The following NSUN4 variants were observed in gnomAD, a reference collection of about 807,000 sequenced individuals.
NSUN4 encodes the protein 5-cytosine rRNA methyltransferase NSUN4.
In NSUN4, 31 loss-of-function variants were observed where a neutral mutation model predicts 43.8. That is an observed-to-expected ratio of 0.71 (90% confidence interval 0.53 to 0.96). NSUN4 has a LOEUF of 0.96. Ranked by LOEUF, NSUN4 falls within the 40% of genes least tolerant of loss-of-function variation. The pLI, the probability that NSUN4 is intolerant of heterozygous loss-of-function variation, is 0.00. For synonymous variants in NSUN4, 167 were observed against 184.1 expected, an observed-to-expected ratio of 0.91 and a Z score of 0.75; for missense variants, 439 against 475.6, an observed-to-expected ratio of 0.92 and a Z score of 0.72.
intron 5 of NSUN4, 150 bp from the exon 6 acceptor site, chr1:46,361,420 C>T (rs946648671): frequency 4.5e-6 from 3 of 673,078 alleles, no homozygotes; most frequent in South Asian, 1.9e-5. Context: ...ACTTTTCAGA[C>T]AGTGTCATTG....
intron 4 of NSUN4, among the ~76,000 whole-genome samples, chr1:46,360,467 T>G (rs757207965): frequency 2.0e-5 from 3 of 150,840 alleles, no homozygotes; most frequent in Non-Finnish European, 4.4e-5. Context: ...TAGTTACTTG[T>G]GTGTTAGTTT....
At chr1:46,347,791 C>G (rs1387064195) in intron 3 of NSUN4, among the ~76,000 whole-genome samples, 1 of 152,022 alleles carries the variant, frequency 6.6e-6, no homozygotes, top group African/African-American at 2.4e-5. Flanking sequence ...CTCTCTGTTG[C>G]CTTTGCTCTT....
At chr1:46,358,568 A>C (rs1220288216) in intron 4 of NSUN4, among the ~76,000 whole-genome samples, 1 of 149,140 alleles carries the variant, frequency 6.7e-6, no homozygotes, top group Admixed American at 6.7e-5. Context: ...CACCCAGCTA[A>C]TTTTTGTCTT....
intron 2 of NSUN4, among the ~76,000 whole-genome samples, chr1:46,345,820 G>A (rs1396643931): frequency 6.6e-6 from 1 of 152,176 alleles, no homozygotes; most frequent in African/African-American, 2.4e-5. Flanking sequence ...TAGTTGTAGG[G>A]TATGGGAATT....
chr1:46,373,018 G>C, the NSUN4 span, among the ~76,000 whole-genome samples: 1 of 152,200 alleles, frequency 6.6e-6, no homozygotes, highest in Non-Finnish European at 1.5e-5. Context: ...ACTGCATTCA[G>C]CCTCTTTGCC....
chr1:46,355,793 T>A (rs1405737599), intron 4 of NSUN4, among the ~76,000 whole-genome samples: 1 of 152,124 alleles, frequency 6.6e-6, no homozygotes, highest in Non-Finnish European at 1.5e-5. Flanking sequence ...GGTGGGTGGA[T>A]CACCTGAGGT....
At chr1:46,360,249 A>AAAAATATATAT (rs1553177947) in intron 4 of NSUN4, among the ~76,000 whole-genome samples, 1 of 25,738 alleles carries the variant, frequency 3.9e-5, no homozygotes, top group African/African-American at 1.3e-4. Flanking sequence ...AAAAAAAAAA[A>AAAAATATATAT]ATATATATAT....
intron 4 of NSUN4, among the ~76,000 whole-genome samples, chr1:46,359,829 T>C (rs958796133): frequency 2.0e-5 from 3 of 152,106 alleles, no homozygotes; most frequent in Non-Finnish European, 4.4e-5. Context: ...CTGTAATAAC[T>C]TTCCTATTGG....
At position 46,348,900 on chromosome 1, in the gene NSUN4, C is replaced by T. The variant is rs142303604; in HGVS notation, c.592+1825C>T. On this transcript the variant is annotated intron_variant, in intron 3 of 5. Coordinates refer to ENST00000474844, the MANE Select transcript of NSUN4 (RefSeq NM_199044.4). The stretch of plus-strand genomic sequence containing the variant: ...CACGATCTTAGCTCAATACAACCTT[C>T]GCCTTCTGGTTCCAAGCAATTCTCT... Among the ~76,000 whole-genome samples the T allele has an allele frequency of 4.8e-3, 684 of 142,836 alleles. 6 individuals carry two copies. The highest frequency in any genetic ancestry group is 0.017 in the African/African-American group (646 of 38,532). 93.7% of individuals were successfully genotyped at this position (142,836 alleles called of 152,430 possible). A position where few individuals can be genotyped will look rare whatever the true frequency, so the allele number is the denominator to read the frequency against.
At chr1:46,368,125 C>G (rs1664176802), downstream of NSUN4, among the ~76,000 whole-genome samples, 1 of 152,050 alleles carries the variant, frequency 6.6e-6, no homozygotes, top group Non-Finnish European at 1.5e-5. Context: ...AGCATTCCTA[C>G]CTTAGGTAGG....
chr1:46,371,792 C>T, the NSUN4 span, among the ~76,000 whole-genome samples: 79 of 152,058 alleles, frequency 5.2e-4, no homozygotes, highest in African/African-American at 1.8e-3. Context: ...TGTCACATGG[C>T]AAAAGCAGGA....
intron 3 of NSUN4, 103 bp downstream of exon 3, chr1:46,347,178 C>A (rs1662573857): frequency 3.2e-6 from 4 of 1,264,050 alleles, no homozygotes; most frequent in Non-Finnish European, 4.3e-6. Flanking sequence ...TGGCTCCCGC[C>A]TGTAATCCCA....
rs1307451668 is a variant in NSUN4, at chr1:46,340,815, G to A, written c.-12G>A. 7 of 1,606,324 alleles carry A rather than the reference G, an allele frequency of 4.4e-6. No individual in the cohort carries two copies. The highest frequency in any genetic ancestry group is 5.1e-6 in the Non-Finnish European group (6 of 1,176,360). ...CGGTTCCGGTCGGAATTACCCCGTG[G>A]AGCACGCCGATATGGCTGCGCTGAC... On this transcript the variant is annotated 5_prime_UTR_variant, in exon 1 of 6. Coordinates refer to ENST00000474844, the MANE Select transcript of NSUN4 (RefSeq NM_199044.4).
intron 4 of NSUN4, among the ~76,000 whole-genome samples, chr1:46,353,858 T>A (rs187372725): frequency 5.4e-4 from 82 of 152,270 alleles, no homozygotes; most frequent in African/African-American, 1.8e-3. Context: ...AATCCTTTTT[T>A]AATTTTGTTG....
intron 1 of NSUN4, chr1:46,342,713 C>A: frequency 2.5e-6 from 1 of 399,366 alleles, no homozygotes; most frequent in Non-Finnish European, 4.4e-6. Flanking sequence ...CCCGCAGAAG[C>A]TATAATGAAC....
rs1553177623 is a variant in NSUN4, at chr1:46,356,700, AAAG to A, written c.753+3690_753+3692del. ...AGCGAGATTCCGTCTCAAAAAAAAA[AAAG>A]AAGAAGAAGAAGAAGAATACTACTT... On this transcript the variant is annotated intron_variant, in intron 4 of 5. Coordinates refer to ENST00000474844, the MANE Select transcript of NSUN4 (RefSeq NM_199044.4). Among the ~76,000 whole-genome samples the A allele has an allele frequency of 6.9e-4, 103 of 148,868 alleles. 1 individual carries two copies. Among genetic ancestry groups the A allele is most frequent in the East Asian group, 6.8e-3 (34 of 5,004 alleles).
chr1:46,378,683 A>G, the NSUN4 span, among the ~76,000 whole-genome samples: 7 of 152,246 alleles, frequency 4.6e-5, no homozygotes, highest in Non-Finnish European at 5.9e-5. Flanking sequence ...TGGTTTAAAC[A>G]ACCATTTATT....
Position 46,340,963 on chromosome 1 carries a change from A to C in NSUN4, c.93+44A>C, listed in dbSNP as rs778679695. 34 of 1,521,836 alleles carry C rather than the reference A, an allele frequency of 2.2e-5. No individual in the cohort carries two copies. In the South Asian group the frequency reaches 4.0e-4, roughly 18 times the overall value. The allele number at this position is 1,521,836 out of a possible 1,614,324, so 94.3% of individuals were successfully genotyped here. On this transcript the variant is annotated intron_variant, in intron 1 of 5. Transcript: ENST00000474844. Reference sequence around the variant, plus strand: ...CGCAGGAGGGAAAAGTGAGGGTGGAAACTTCTCCAGTCTTTCCGTTTCCCG... The same window carrying C: ...CGCAGGAGGGAAAAGTGAGGGTGGACACTTCTCCAGTCTTTCCGTTTCCCG...
chr1:46,348,801 G>T (rs1569744761), intron 3 of NSUN4, among the ~76,000 whole-genome samples: 1 of 126,362 alleles, frequency 7.9e-6, no homozygotes, highest in Non-Finnish European at 1.6e-5. Flanking sequence ...CGAAGGCCTT[G>T]TGCACTGTTT....
Sources: gnomAD v4.1 joint callset for allele counts (sites outside exome capture counted in the v4.1 genomes callset) on GRCh38, gnomAD v4.1.1 for gene constraint, MANE v1.5 for transcripts, NCBI Gene and HGNC (gene_info 2026-07-23, HGNC 2026-07-21) for gene names.